The following PARG variants were observed in gnomAD, a reference collection of about 807,000 sequenced individuals.
The protein encoded by PARG is mitochondrial poly(ADP-ribose) glycohydrolase.
In PARG, 35 loss-of-function variants were observed where a neutral mutation model predicts 113.0. The observed-to-expected ratio is 0.31, with a 90% CI of 0.24 to 0.41. PARG has a LOEUF of 0.41. Among genes scored for constraint, PARG ranks in the 10% least tolerant of loss-of-function variants. The pLI, the probability that PARG is intolerant of heterozygous loss-of-function variation, is 1.00. For missense variants in PARG, 797 were observed against 1,169.4 expected (o/e 0.68, Z 4.64); for synonymous variants, 330 against 409.9 (o/e 0.81, Z 2.36).
intron 6 of PARG, among the ~76,000 whole-genome samples, chr10:49,918,049 T>C (rs1259127900): frequency 6.6e-6 from 1 of 151,998 alleles, no homozygotes; most frequent in Non-Finnish European, 1.5e-5. Context: ...ATACCCACTA[T>C]GATTCAATTC....
chr10:49,909,354 T>C (rs1222711219), intron 7 of PARG, among the ~76,000 whole-genome samples: 1 of 151,724 alleles, frequency 6.6e-6, no homozygotes, highest in Non-Finnish European at 1.5e-5. Context: ...CTTTTTGTAA[T>C]CTATTTTAAT....
intron 4 of PARG, among the ~76,000 whole-genome samples, chr10:49,931,693 C>CAAAAAAAAA (rs1191457420): frequency 9.8e-5 from 7 of 71,716 alleles, no homozygotes; most frequent in Non-Finnish European, 1.3e-4. Flanking sequence ...TGGTCTCCAG[C>CAAAAAAAAA]AAAAAAAAAA....
intron 9 of PARG, among the ~76,000 whole-genome samples, chr10:49,874,483 C>A (rs1287694678): frequency 6.6e-6 from 1 of 152,132 alleles, no homozygotes; most frequent in East Asian, 1.9e-4. Flanking sequence ...AAAAGATAAA[C>A]CTGCCATCGC....
chr10:49,902,993 A>C (rs772956525), intron 7 of PARG, among the ~76,000 whole-genome samples: 6 of 151,968 alleles, frequency 3.9e-5, no homozygotes, highest in African/African-American at 1.5e-4. Flanking sequence ...ACACCCAGCT[A>C]ATTTTTTATT....
intron 13 of PARG, among the ~76,000 whole-genome samples, chr10:49,844,101 T>C (rs1237361351): frequency 1.3e-5 from 2 of 151,128 alleles, no homozygotes; most frequent in Non-Finnish European, 2.9e-5. Context: ...GCCAAGAGTG[T>C]GCCACTGCAC....
At chr10:49,866,631 T>C (rs1437547174) in intron 10 of PARG, among the ~76,000 whole-genome samples, 1 of 151,726 alleles carries the variant, frequency 6.6e-6, no homozygotes, top group Non-Finnish European at 1.5e-5. Context: ...TACTAAGAGA[T>C]GCTAAAAGAA....
chr10:49,889,150 T>C (rs1397220748), intron 7 of PARG, among the ~76,000 whole-genome samples: 1 of 151,970 alleles, frequency 6.6e-6, no homozygotes, highest in East Asian at 1.9e-4. Context: ...ATGGCTACTT[T>C]AAAATAATTG....
At chr10:49,829,572 T>C (rs1185466479) in intron 16 of PARG, among the ~76,000 whole-genome samples, 3 of 152,160 alleles carry the variant, frequency 2.0e-5, no homozygotes, top group Non-Finnish European at 4.4e-5. Context: ...CCAAGTGTGG[T>C]GGCTCACAAG....
chr10:49,925,961 T>A (rs1452428518), intron 4 of PARG, among the ~76,000 whole-genome samples: 11 of 152,258 alleles, frequency 7.2e-5, no homozygotes, highest in Non-Finnish European at 1.5e-4. Context: ...CTGATGCAAG[T>A]CCTGCCCCTG....
At chr10:49,893,841 C>A (rs1554842107) in intron 7 of PARG, among the ~76,000 whole-genome samples, 1 of 151,788 alleles carries the variant, frequency 6.6e-6, no homozygotes, top group East Asian at 1.9e-4. Flanking sequence ...CTACAGGCAC[C>A]CGCCACCACG....
chr10:49,838,024 T>G (rs1845029113), intron 15 of PARG, among the ~76,000 whole-genome samples: 1 of 152,204 alleles, frequency 6.6e-6, no homozygotes, highest in African/African-American at 2.4e-5. Context: ...CATAAGCATG[T>G]AGGAGACTAT....
intron 6 of PARG, among the ~76,000 whole-genome samples, chr10:49,916,690 C>T (rs1245321143): frequency 6.6e-6 from 1 of 152,134 alleles, no homozygotes; most frequent in Non-Finnish European, 1.5e-5. Context: ...ATGCATAAGG[C>T]AATCCACTAG....
chr10:49,880,065 A>G (rs1368569045), intron 8 of PARG, among the ~76,000 whole-genome samples: 2 of 151,600 alleles, frequency 1.3e-5, no homozygotes, highest in African/African-American at 4.9e-5. Context: ...GATAGTGAAG[A>G]GAATATAAAA....
chr10:49,892,456 C>A (rs1289849112), intron 7 of PARG, among the ~76,000 whole-genome samples: 13 of 151,720 alleles, frequency 8.6e-5, no homozygotes, highest in Admixed American at 5.9e-4. Flanking sequence ...CTTGTTTTTG[C>A]CTTAAGAGAA....
At chr10:49,925,760 T>G (rs11598949) in intron 4 of PARG, among the ~76,000 whole-genome samples, 29,036 of 152,152 alleles carry the variant, frequency 0.19, 3,301 homozygotes, top group Non-Finnish European at 0.27. Context: ...CTGCCAGGAG[T>G]GCCCTCAAGC....
chr10:49,909,999 A>G (rs1331317948), intron 7 of PARG: 2 of 152,096 alleles, frequency 1.3e-5, no homozygotes, highest in African/African-American at 4.8e-5. Context: ...AAAAAAAAAA[A>G]GTAAAAAAAA....
At chr10:49,846,138 ACTC>A (rs1554833293) in intron 13 of PARG, among the ~76,000 whole-genome samples, 1 of 151,386 alleles carries the variant, frequency 6.6e-6, no homozygotes, top group Non-Finnish European at 1.5e-5. Context: ...ACAAAGGAAT[ACTC>A]CTTAGTAATA....
intron 16 of PARG, among the ~76,000 whole-genome samples, chr10:49,822,738 G>A (rs2132347975): frequency 6.6e-6 from 1 of 152,278 alleles, no homozygotes; most frequent in African/African-American, 2.4e-5. Flanking sequence ...GCAACAGCCT[G>A]ACACAGTGAT....
intron 13 of PARG, among the ~76,000 whole-genome samples, chr10:49,850,955 A>G (rs1845733387): frequency 6.6e-6 from 1 of 152,114 alleles, no homozygotes; most frequent in Non-Finnish European, 1.5e-5. Context: ...TTAATGAACT[A>G]TGATGAAAAT....
Sources: allele counts gnomAD v4.1 joint callset (sites outside exome capture counted in the v4.1 genomes callset), GRCh38; gene constraint gnomAD v4.1.1; transcripts MANE v1.5; gene names NCBI Gene and HGNC (gene_info 2026-07-23, HGNC 2026-07-21).